Variants in SNU13 observed in about 807,000 individuals in gnomAD.
The protein encoded by SNU13 is NHP2-like protein 1.
SNU13 carries 2 observed loss-of-function variants against 12.4 expected under a neutral mutation model. The observed-to-expected ratio is 0.16, with a 90% CI of 0.07 to 0.51. The LOEUF (loss-of-function observed/expected upper bound fraction) is 0.51, where lower values mean the gene tolerates loss of function less well. SNU13 is among the 20% of genes least tolerant of loss of function. SNU13 has a pLI of 0.96. For missense variants in SNU13, 66 were observed against 157.8 expected, an observed-to-expected ratio of 0.42 and a Z score of 3.12; for synonymous variants, 68 against 66.5, an observed-to-expected ratio of 1.02 and a Z score of -0.11.
At chr22:41,681,411 GTT>G (rs1257230486) in intron 1 of SNU13, 1 of 152,098 alleles carries the variant, frequency 6.6e-6, no homozygotes, top group Non-Finnish European at 1.5e-5. Context: ...TATCTTCATG[GTT>G]TAAAAGTCAA....
intron 2 of SNU13, among the ~76,000 whole-genome samples, chr22:41,677,001 T>G (rs1380217617): frequency 6.6e-6 from 1 of 152,190 alleles, no homozygotes; most frequent in Non-Finnish European, 1.5e-5. Context: ...TTGAACATCT[T>G]TCATTAAAAC....
intron 1 of SNU13, among the ~76,000 whole-genome samples, chr22:41,683,923 G>C (rs1162070267): frequency 6.6e-6 from 1 of 151,936 alleles, no homozygotes; most frequent in East Asian, 1.9e-4. Context: ...TTTTTTTTGA[G>C]ATGGAGTTTT....
At chr22:41,679,485 A>G (rs981339319) in intron 2 of SNU13, among the ~76,000 whole-genome samples, 4 of 152,084 alleles carry the variant, frequency 2.6e-5, no homozygotes, top group African/African-American at 4.8e-5. Context: ...GAACCCGGGA[A>G]GCGGAGGTTG....
upstream of SNU13, among the ~76,000 whole-genome samples, chr22:41,689,893 G>A (rs545138711): frequency 6.6e-6 from 1 of 150,654 alleles, no homozygotes; most frequent in Non-Finnish European, 1.5e-5. Flanking sequence ...CAGGAGAATC[G>A]CTTGAACTTG....
intron 2 of SNU13, 94 bp downstream of exon 2, chr22:41,680,150 C>T (rs1309014198): frequency 7.0e-7 from 1 of 1,436,140 alleles, no homozygotes; most frequent in Non-Finnish European, 9.3e-7. Context: ...TCGAGAGCAG[C>T]TAGCCCTCCT....
At chr22:41,686,354 G>C (rs550780569) in intron 1 of SNU13, among the ~76,000 whole-genome samples, 168 of 148,062 alleles carry the variant, frequency 1.1e-3, no homozygotes, top group Non-Finnish European at 1.0e-3. Flanking sequence ...GCCCAGGCTG[G>C]AGTGCAGTGG....
Position 41,676,876 on chromosome 22 carries a change from G to C in SNU13, c.125-1681C>G, listed in dbSNP as rs2147132405. On this transcript the variant is annotated intron_variant, in intron 2 of 2. Transcript: ENST00000401959. ...GGGTACTGTCCATGCTGGTCTAGAAGAGTCTTTTTGTTTCTCTTAGTATCA... is the reference window on the plus strand; with the variant it reads ...GGGTACTGTCCATGCTGGTCTAGAACAGTCTTTTTGTTTCTCTTAGTATCA... Among the ~76,000 whole-genome samples the C allele has an allele frequency of 2.0e-5, 3 of 152,214 alleles. No homozygotes were observed. The East Asian group carries it at 5.8e-4, about 29-fold the overall frequency.
Position 41,680,332 on chromosome 22 carries a change from G to A in SNU13, c.36C>T (p.Pro12=), listed in dbSNP as rs781714298. The A allele has an allele frequency of 3.0e-5, 49 of 1,613,912 alleles. No individual in the cohort carries two copies. The highest frequency in any genetic ancestry group is 4.1e-5 in the Non-Finnish European group (48 of 1,179,964). ...TEADVNPKAY[P]LADAHLTKKL... ...TCTTGGTGAGGTGGGCATCGGCAAG[G>A]GGATAGGCCTTTGGATTCACATCAG... is the stretch of plus-strand genomic sequence containing the variant. The change falls in exon 2 of 3, where the codon CCC becomes CCT. Residue 12 remains proline, a synonymous_variant. Coordinates refer to ENST00000401959, the MANE Select transcript of SNU13 (RefSeq NM_001003796.2).
At chr22:41,678,047 C>T (rs1463412083) in intron 2 of SNU13, among the ~76,000 whole-genome samples, 1 of 150,978 alleles carries the variant, frequency 6.6e-6, no homozygotes, top group African/African-American at 2.4e-5. Flanking sequence ...GAGATCTCGG[C>T]TCACTGCAAG....
intron 1 of SNU13, among the ~76,000 whole-genome samples, chr22:41,680,773 C>T (rs2068257109): frequency 6.6e-6 from 1 of 152,202 alleles, no homozygotes; most frequent in African/African-American, 2.4e-5. Flanking sequence ...CAGCTTACTG[C>T]AATCTCTGCC....
At chr22:41,682,627 G>A in intron 1 of SNU13, 1 of 1,353,604 alleles carries the variant, frequency 7.4e-7, no homozygotes, top group South Asian at 1.6e-5. Flanking sequence ...GTTCTCTAAA[G>A]GAAGGGGGTT....
At chr22:41,682,071 G>A (rs1467842624) in intron 1 of SNU13, among the ~76,000 whole-genome samples, 1 of 151,620 alleles carries the variant, frequency 6.6e-6, no homozygotes, top group African/African-American at 2.4e-5. Flanking sequence ...CCCACATGTC[G>A]CCATCGTGTG....
chr22:41,681,429 T>G (rs931555454), intron 1 of SNU13: 1 of 152,252 alleles, frequency 6.6e-6, no homozygotes, highest in Non-Finnish European at 1.5e-5. Flanking sequence ...GTCAAAACTA[T>G]GCAAGTGATA....
chr22:41,678,518 G>A (rs1051850994), intron 2 of SNU13, among the ~76,000 whole-genome samples: 1 of 152,054 alleles, frequency 6.6e-6, no homozygotes, highest in African/African-American at 2.4e-5. Context: ...GAATTAAGTC[G>A]CTGAGACTGA....
chr22:41,677,541 A>AAAT (rs971696562), intron 2 of SNU13, among the ~76,000 whole-genome samples: 2 of 152,068 alleles, frequency 1.3e-5, no homozygotes, highest in Admixed American at 6.6e-5. Context: ...AAAGTAAAAT[A>AAAT]AATAATAATA....
intron 1 of SNU13, among the ~76,000 whole-genome samples, chr22:41,686,583 A>G (rs1436286645): frequency 6.7e-6 from 1 of 150,298 alleles, no homozygotes; most frequent in Admixed American, 6.7e-5. Flanking sequence ...TACAGGTGTG[A>G]GCTACCACGT....
chr22:41,684,473 CT>C lies in SNU13; in HGVS notation c.4-4110del, dbSNP rs1387157350. On this transcript the variant is annotated intron_variant, in intron 1 of 2. Transcript: ENST00000401959. The stretch of plus-strand genomic sequence containing the variant: ...TATCCTTTCATTTGTTTCTTCCCCC[CT>C]CTGCCCTTGTCACTTATGCTCTGGT... Among the ~76,000 whole-genome samples the C allele has an allele frequency of 1.6e-4, 24 of 152,300 alleles. No homozygotes were observed. In the South Asian group the frequency reaches 4.6e-3, roughly 29 times the overall value.
rs1018885004 is a variant in SNU13, at chr22:41,682,504, G to A, written c.4-2140C>T. The stretch of plus-strand genomic sequence containing the variant: ...CGCCACTGCCGCCAGCGGAAGTGAC[G>A]TCCAGGGCCAGCCCGTACACCAGGA... On this transcript the variant is annotated intron_variant, in intron 1 of 2. Transcript: ENST00000401959. 1.7e-5 allele frequency: 27 copies of A among 1,557,160 alleles called. No individual in the cohort carries two copies. In the South Asian group the frequency reaches 3.0e-4, roughly 17 times the overall value.
At chr22:41,689,075 C>G, upstream of SNU13, 1 of 1,182,274 alleles carries the variant, frequency 8.5e-7, no homozygotes, top group Non-Finnish European at 1.1e-6. Flanking sequence ...AAAAAGTAAC[C>G]CACCGGCCGG....
Sources: allele counts gnomAD v4.1 joint callset (sites outside exome capture counted in the v4.1 genomes callset), GRCh38; gene constraint gnomAD v4.1.1; transcripts MANE v1.5; gene names NCBI Gene and HGNC (gene_info 2026-07-23, HGNC 2026-07-21).